Variants in DIPK2A observed in about 807,000 individuals in gnomAD.
DIPK2A encodes divergent protein kinase domain 2A.
A neutral mutation model predicts 39.0 loss-of-function variants in DIPK2A; 27 were observed. That is an observed-to-expected ratio of 0.69 (90% CI 0.51 to 0.96). DIPK2A has a LOEUF of 0.96. Among genes scored for constraint, DIPK2A ranks in the 40% least tolerant of loss-of-function variants. DIPK2A has a pLI of 0.00. For missense variants in DIPK2A, 528 were observed against 571.3 expected (o/e 0.92, Z 0.77); for synonymous variants, 298 against 240.8 (o/e 1.24, Z -2.20).
chr3:143,973,087 G>T lies in DIPK2A; in HGVS notation c.657+98G>T. 2.1e-6 allele frequency: 3 copies of T among 1,439,932 alleles called. No homozygotes were observed. The East Asian group carries it at 7.4e-5, about 36-fold the overall frequency. The allele number at this position is 1,439,932 out of a possible 1,614,324, so 89.2% of individuals were successfully genotyped here. On this transcript the variant is annotated intron_variant, in intron 1 of 2. Coordinates refer to ENST00000315691, the MANE Select transcript of DIPK2A (RefSeq NM_173552.5). ...TCAGCCAGCGCTTGCCGCCAGTTCG[G>T]ACTCGGCCGGGCTGGGCCAGGCTGC...
Position 143,973,534 on chromosome 3 carries a change from T to G in DIPK2A, c.657+545T>G, listed in dbSNP as rs1193141340. 1.9e-6 allele frequency: 3 copies of G among 1,551,414 alleles called. No homozygotes were observed. In the African/African-American group the frequency reaches 4.1e-5, roughly 21 times the overall value. On this transcript the variant is annotated intron_variant, in intron 1 of 2. Coordinates refer to ENST00000315691, the MANE Select transcript of DIPK2A (RefSeq NM_173552.5). Reference sequence around the variant, plus strand: ...TAATTCGAGGACAAGTTGGGGAGGATGAAGTCGGAGAACGGGACAGTGGTC... The same window carrying G: ...TAATTCGAGGACAAGTTGGGGAGGAGGAAGTCGGAGAACGGGACAGTGGTC...
rs2087986799 is a variant in DIPK2A, at chr3:143,991,425, T to G, written c.*1584T>G. The G allele has an allele frequency of 6.6e-6, 1 of 152,646 alleles. No homozygotes were observed. The highest frequency in any genetic ancestry group is 1.5e-5 in the Non-Finnish European group (1 of 68,006). The allele number at this position is 152,646 out of a possible 1,614,324, so 9.5% of individuals were successfully genotyped here. Reference sequence around the variant, plus strand: ...CAAATACTTCAATGTAGATATTTCTTAAGTTGAAATAGCATTAACTAGGAT... The same window carrying G: ...CAAATACTTCAATGTAGATATTTCTGAAGTTGAAATAGCATTAACTAGGAT... On this transcript the variant is annotated 3_prime_UTR_variant, in exon 3 of 3. Coordinates refer to ENST00000315691, the MANE Select transcript of DIPK2A (RefSeq NM_173552.5).
In DIPK2A at chr3:143,972,573, C is replaced by T; in HGVS notation, c.241C>T (p.Arg81Cys). 2 of 1,612,222 alleles carry T rather than the reference C, an allele frequency of 1.2e-6. No homozygotes were observed. Among genetic ancestry groups the T allele is most frequent in the Non-Finnish European group, 1.7e-6 (2 of 1,179,708 alleles). The change falls in exon 1 of 3, where the codon CGC becomes TGC. Residue 81 changes from arginine (R) to cysteine (C), a missense_variant. Around this residue, in one of 2 missense-constraint regions of DIPK2A, gnomAD observed 309 missense variants for 289.8 expected, o/e 1.07. Coordinates refer to ENST00000315691, the MANE Select transcript of DIPK2A (RefSeq NM_173552.5). ...GGTATTCGAGGCGTGGGGCCGCTTG[C>T]GCCTGCTGGACTTCCTCAACGTGAA... is the stretch of plus-strand genomic sequence containing the variant. Reference protein sequence around the residue: ...QVVFEAWGRLRLLDFLNVKNV... With the variant: ...QVVFEAWGRLCLLDFLNVKNV...
At chr3:143,976,396 C>CT (rs2087729164) in intron 1 of DIPK2A, among the ~76,000 whole-genome samples, 1 of 151,596 alleles carries the variant, frequency 6.6e-6, no homozygotes. Context: ...ACTATGTTGA[C>CT]TTTTATATTG....
intron 1 of DIPK2A, among the ~76,000 whole-genome samples, chr3:143,983,557 TG>T (rs1238355325): frequency 1.3e-5 from 2 of 152,158 alleles, no homozygotes; most frequent in African/African-American, 4.8e-5. Flanking sequence ...CAGCTAAAGC[TG>T]TGTTTAGAGG....
At chr3:143,973,305 G>A (rs902393635) in intron 1 of DIPK2A, 29 of 1,526,734 alleles carry the variant, frequency 1.9e-5, no homozygotes, top group Non-Finnish European at 2.6e-5. Context: ...GTTTCCTTCC[G>A]CTCTCTACCC....
At position 143,985,645 on chromosome 3, in the gene DIPK2A, A is replaced by C; in HGVS notation, c.760A>C (p.Asn254His). 6.2e-7 allele frequency: 1 copy of C among 1,614,160 alleles called. No homozygotes were observed. The highest frequency in any genetic ancestry group is 8.5e-7 in the Non-Finnish European group (1 of 1,179,978). The part of the protein sequence containing the change: ...YVGEELWSYF[N>H]APWEKRVDLA... Reference sequence around the variant, plus strand: ...TGGAGAAGAACTGTGGAGTTACTTTAATGCGCCATGGGAAAAACGAGTTGA... The same window carrying C: ...TGGAGAAGAACTGTGGAGTTACTTTCATGCGCCATGGGAAAAACGAGTTGA... The change falls in exon 2 of 3, where the codon AAT (asparagine) becomes CAT (histidine). Residue 254 changes from asparagine (N) to histidine (H), a missense_variant. This residue lies in a region of DIPK2A where 219 missense variants were observed against 281.5 expected (regional missense o/e 0.78). Transcript: ENST00000315691.
chr3:143,978,630 ATATATATATC>A (rs1262102847), intron 1 of DIPK2A: 1 of 36,380 alleles, frequency 2.7e-5, no homozygotes, highest in East Asian at 9.1e-4. Flanking sequence ...ATCTATATAT[ATATATATATC>A]TATATATATA....
rs1464607244 is a variant in DIPK2A at position 143,973,524 on chromosome 3, T to C, written c.657+535T>C. On this transcript the variant is annotated intron_variant, in intron 1 of 2. Transcript: ENST00000315691. ...TTTGGACACCTAATTCGAGGACAAG[T>C]TGGGGAGGATGAAGTCGGAGAACGG... 9.0e-6 allele frequency: 14 copies of C among 1,551,568 alleles called. No individual in the cohort carries two copies. In the East Asian group the frequency reaches 9.8e-5, roughly 11 times the overall value.
intron 1 of DIPK2A, chr3:143,973,318 C>A: frequency 6.5e-7 from 1 of 1,536,548 alleles, no homozygotes; most frequent in East Asian, 2.5e-5. Context: ...CTCTACCCTG[C>A]CTTTCTGCTT....
Position 143,972,710 on chromosome 3 carries a change from C to G in DIPK2A, c.378C>G (p.Cys126Trp). The G allele has an allele frequency of 6.2e-7, 1 of 1,601,172 alleles. No homozygotes were observed. Residue 126 changes from cysteine to tryptophan, a missense_variant, in exon 1 of 3, where the codon TGC becomes TGG. Physicochemically the swap from Cys to Trp is radical, Grantham distance 215. Around this residue, in one of 2 missense-constraint regions of DIPK2A, gnomAD observed 309 missense variants for 289.8 expected, o/e 1.07. Transcript: ENST00000315691. ...TGGCGCAGCTCGACCAGAGCATCTGCAAGCGGGCCACCGGCCGGCCCCGCT... is the reference window on the plus strand; with the variant it reads ...TGGCGCAGCTCGACCAGAGCATCTGGAAGCGGGCCACCGGCCGGCCCCGCT... ...RELAQLDQSI[C>W]KRATGRPRCD...
chr3:143,976,553 T>TGAGAGAGAGAGAGAGAGA (rs1431718846), intron 1 of DIPK2A, among the ~76,000 whole-genome samples: 1 of 103,594 alleles, frequency 9.7e-6, no homozygotes, highest in Admixed American at 9.1e-5. Context: ...TGTGTGTGTG[T>TGAGAGAGAGAGAGAGAGA]GTGAGAGAGA....
Position 143,989,845 on chromosome 3 carries a change from A to G in DIPK2A, c.*4A>G, listed in dbSNP as rs373359208. The G allele has an allele frequency of 3.6e-5, 57 of 1,598,852 alleles. No homozygotes were observed. The highest frequency in any genetic ancestry group is 1.2e-4 in the African/African-American group (9 of 74,314). ...ATTAAGTAACAACGTGAGGTAGTCT[A>G]TGGTGAACTTTTCTTTTTTTCTCCA... On this transcript the variant is annotated 3_prime_UTR_variant, in exon 3 of 3. Coordinates refer to ENST00000315691, the MANE Select transcript of DIPK2A (RefSeq NM_173552.5).
intron 1 of DIPK2A, among the ~76,000 whole-genome samples, chr3:143,982,485 T>C (rs912996819): frequency 2.4e-4 from 36 of 152,232 alleles, no homozygotes; most frequent in Admixed American, 1.3e-4. Flanking sequence ...TAGAATTTCA[T>C]ATCCAGCCAA....
chr3:143,977,409 G>T (rs1289235089), intron 1 of DIPK2A, among the ~76,000 whole-genome samples: 1 of 151,982 alleles, frequency 6.6e-6, no homozygotes, highest in Admixed American at 6.6e-5. Context: ...TTGGGAGTGG[G>T]ATGCTCTCTT....
chr3:143,976,318 C>A (rs901032289), intron 1 of DIPK2A, among the ~76,000 whole-genome samples: 3 of 151,804 alleles, frequency 2.0e-5, no homozygotes, highest in African/African-American at 7.3e-5. Context: ...ATTTTTACTT[C>A]ACTAAGATGT....
chr3:143,985,469 C>A, intron 1 of DIPK2A, 74 bp from the exon 2 acceptor site: 1 of 1,272,032 alleles, frequency 7.9e-7, no homozygotes, highest in African/African-American at 1.5e-5. Flanking sequence ...GCAATCTCTA[C>A]TGAAAGGATC....
chr3:143,986,588 G>T (rs2087902967), intron 2 of DIPK2A, among the ~76,000 whole-genome samples: 2 of 152,106 alleles, frequency 1.3e-5, no homozygotes, highest in Admixed American at 6.5e-5. Flanking sequence ...GCCGGGCGAG[G>T]TGGCGGGCGC....
At chr3:143,986,437 A>C (rs1171826900) in intron 2 of DIPK2A, among the ~76,000 whole-genome samples, 1 of 152,136 alleles carries the variant, frequency 6.6e-6, no homozygotes, top group Non-Finnish European at 1.5e-5. Flanking sequence ...TTGAAAATTA[A>C]ATGCCGGCCG....
Sources: gnomAD v4.1 joint callset for allele counts (sites outside exome capture counted in the v4.1 genomes callset) on GRCh38, gnomAD v4.1.1 for gene constraint, gnomAD v4.1.1 regional missense constraint, MANE v1.5 for transcripts, NCBI Gene and HGNC (gene_info 2026-07-23, HGNC 2026-07-21) for gene names.